CMKLR1: variants seen among roughly 807,000 people sequenced by gnomAD.
CMKLR1 encodes the protein chemerin chemokine-like receptor 1, also known as chemerin-like receptor 1.
In CMKLR1, 6 loss-of-function variants were observed where a neutral mutation model predicts 8.2. The observed-to-expected ratio is 0.73, with a 90% confidence interval of 0.40 to 1.44. The LOEUF is 1.44. CMKLR1 is among the 40% of genes most tolerant of loss of function. CMKLR1 has a pLI of 0.02. For synonymous variants in CMKLR1, 178 were observed against 181.2 expected, an observed-to-expected ratio of 0.98 and a Z score of 0.14; for missense variants, 429 against 478.0, an observed-to-expected ratio of 0.90 and a Z score of 0.96.
chr12:108,299,640 C>T (rs1174476654), intron 2 of CMKLR1, among the ~76,000 whole-genome samples: 5 of 152,058 alleles, frequency 3.3e-5, no homozygotes, highest in African/African-American at 1.2e-4. Flanking sequence ...ATTGCAGTCA[C>T]CGTATAAGAG....
chr12:108,309,450 G>A (rs556814588), intron 2 of CMKLR1, among the ~76,000 whole-genome samples: 5 of 152,040 alleles, frequency 3.3e-5, no homozygotes, highest in African/African-American at 9.7e-5. Context: ...CAGGAGGATC[G>A]CTTGAGCCCA....
intron 1 of CMKLR1, among the ~76,000 whole-genome samples, chr12:108,331,767 G>A (rs960964053): frequency 1.3e-5 from 2 of 152,168 alleles, no homozygotes; most frequent in Admixed American, 6.5e-5. Context: ...TGAAGGCTGG[G>A]GAAGGGGACC....
At chr12:108,298,582 C>A (rs1276560205) in intron 2 of CMKLR1, among the ~76,000 whole-genome samples, 2 of 152,242 alleles carry the variant, frequency 1.3e-5, no homozygotes, top group African/African-American at 2.4e-5. Flanking sequence ...CTTTTCCTAG[C>A]CCCTCAGGGA....
chr12:108,306,167 G>C (rs949532433), intron 2 of CMKLR1, among the ~76,000 whole-genome samples: 1 of 152,184 alleles, frequency 6.6e-6, no homozygotes, highest in Non-Finnish European at 1.5e-5. Context: ...CACAACTGCA[G>C]GCGTGGAGCG....
intron 2 of CMKLR1, among the ~76,000 whole-genome samples, chr12:108,311,682 G>C (rs192383235): frequency 2.0e-4 from 31 of 152,318 alleles, no homozygotes; most frequent in East Asian, 1.5e-3. Context: ...CAGCATAGAG[G>C]GGGAGAGCTG....
intron 2 of CMKLR1, among the ~76,000 whole-genome samples, chr12:108,327,168 G>C (rs10778625): frequency 0.25 from 38,076 of 152,176 alleles, 6,175 homozygotes; most frequent in East Asian, 0.7. Context: ...AAGACAGAGA[G>C]GGGGGTTGGC....
In CMKLR1 at chr12:108,292,340, T is replaced by C; in HGVS notation, c.623A>G (p.Gln208Arg). 1 of 1,614,064 alleles carries C rather than the reference T, an allele frequency of 6.2e-7. No homozygotes were observed. The highest frequency in any genetic ancestry group is 8.5e-7 in the Non-Finnish European group (1 of 1,180,016). ...PGSSSWPTHSQMDPVGYSRHM... is the reference protein window; with the variant it reads ...PGSSSWPTHSRMDPVGYSRHM... ...CCGGCTATACCCCACAGGGTCCATTTGGGAGTGAGTGGGCCACGAGGAAGA... is the reference window on the plus strand; with the variant it reads ...CCGGCTATACCCCACAGGGTCCATTCGGGAGTGAGTGGGCCACGAGGAAGA... The change falls in exon 4 of 4, where the codon CAA (glutamine) becomes CGA (arginine). Residue 208 changes from glutamine (Q) to arginine (R), a missense_variant. Gln to Arg is a conservative substitution (Grantham distance 43). Transcript: ENST00000550402.
Position 108,290,215 on chromosome 12 carries a change from T to C in CMKLR1, c.*1626A>G, listed in dbSNP as rs879023002. On this transcript the variant is annotated 3_prime_UTR_variant, in exon 4 of 4. Transcript: ENST00000550402. ...TCATTTGCAGAAAAATCAATATTTATGGCAAAAATCTCCAAACTTTTTAAG... is the reference window on the plus strand; with the variant it reads ...TCATTTGCAGAAAAATCAATATTTACGGCAAAAATCTCCAAACTTTTTAAG... The C allele has an allele frequency of 3.9e-5, 6 of 152,340 alleles. No individual in the cohort carries two copies. In the East Asian group the frequency reaches 5.8e-4, roughly 15 times the overall value. 9.4% of individuals were successfully genotyped at this position (152,340 alleles called of 1,614,324 possible).
intron 1 of CMKLR1, among the ~76,000 whole-genome samples, chr12:108,337,533 G>A (rs552603471): frequency 6.6e-6 from 1 of 152,282 alleles, no homozygotes; most frequent in South Asian, 2.1e-4. Context: ...AAGATGACTG[G>A]TCATTAGAAC....
intron 2 of CMKLR1, among the ~76,000 whole-genome samples, chr12:108,323,584 C>T (rs925095167): frequency 2.0e-5 from 3 of 152,150 alleles, no homozygotes; most frequent in African/African-American, 4.8e-5. Flanking sequence ...CCTGACTCTG[C>T]TCCAAATGTT....
Position 108,292,047 on chromosome 12 carries a change from TGGCAAG to T in CMKLR1, c.910_915del (p.Leu304_Ala305del). The stretch of plus-strand genomic sequence containing the variant: ...ATGGGGTTCATGCAGCTGTTGGCAA[TGGCAAG>T]GGCAGTGGCCAGGGGCAAACCCAGG... On this transcript the variant is annotated inframe_deletion, in exon 4 of 4. Coordinates refer to ENST00000550402, the MANE Select transcript of CMKLR1 (RefSeq NM_001142343.2). 6.2e-7 allele frequency: 1 copy of T among 1,614,138 alleles called. No individual in the cohort carries two copies. The highest frequency in any genetic ancestry group is 8.5e-7 in the Non-Finnish European group (1 of 1,180,028).
intron 1 of CMKLR1, among the ~76,000 whole-genome samples, chr12:108,332,942 T>C (rs1246769333): frequency 6.6e-6 from 1 of 151,998 alleles, no homozygotes; most frequent in Non-Finnish European, 1.5e-5. Context: ...GTCACTACAC[T>C]CCAGCCTGGG....
In CMKLR1 at chr12:108,310,374, G is replaced by A. The variant is rs372855898; in HGVS notation, c.-73-16710C>T. ...GCTTCTAACCTGGGTGGCTGATGTG[G>A]GCACTGCGTTGGAAGAGGAAAGGCT... is the stretch of plus-strand genomic sequence containing the variant. On this transcript the variant is annotated intron_variant, in intron 2 of 3. Coordinates refer to ENST00000550402, the MANE Select transcript of CMKLR1 (RefSeq NM_001142343.2). Among the ~76,000 whole-genome samples the A allele has an allele frequency of 9.8e-4, 149 of 152,266 alleles. 1 individual carries two copies. The highest frequency in any genetic ancestry group is 1.9e-3 in the Non-Finnish European group (126 of 68,030).
intron 3 of CMKLR1, among the ~76,000 whole-genome samples, chr12:108,293,272 G>T (rs1891044518): frequency 6.6e-6 from 1 of 152,158 alleles, no homozygotes; most frequent in South Asian, 2.1e-4. Context: ...AAGTCCTACA[G>T]CTAGGAAAAG....
intron 2 of CMKLR1, among the ~76,000 whole-genome samples, chr12:108,295,217 C>G (rs756408661): frequency 3.3e-5 from 5 of 152,222 alleles, no homozygotes; most frequent in Non-Finnish European, 5.9e-5. Flanking sequence ...TCCAGATGGT[C>G]TCACTTTAAC....
chr12:108,290,543 G>C lies in CMKLR1; in HGVS notation c.*1298C>G, dbSNP rs551790746. Reference sequence around the variant, plus strand: ...AACAGAGTTTCTGGAGCCAGACGGAGCCAGGTTCAGATCTTAACTCTGCCA... The same window carrying C: ...AACAGAGTTTCTGGAGCCAGACGGACCCAGGTTCAGATCTTAACTCTGCCA... On this transcript the variant is annotated 3_prime_UTR_variant, in exon 4 of 4. Transcript: ENST00000550402. The C allele has an allele frequency of 2.2e-4, 34 of 152,232 alleles. No homozygotes were observed. The highest frequency in any genetic ancestry group is 4.0e-4 in the Non-Finnish European group (27 of 68,044). 9.4% of individuals were successfully genotyped at this position (152,232 alleles called of 1,614,324 possible).
Position 108,293,595 on chromosome 12 carries a change from C to A in CMKLR1, c.-4G>T. On this transcript the variant is annotated 5_prime_UTR_variant, in exon 3 of 4. Coordinates refer to ENST00000550402, the MANE Select transcript of CMKLR1 (RefSeq NM_001142343.2). ...GACCACAAGACTTCCTCACCATTCA[C>A]CGTTATGTTGTCTGCAGCTCTCCAA... is the stretch of plus-strand genomic sequence containing the variant. The A allele has an allele frequency of 6.4e-7, 1 of 1,551,298 alleles. No individual in the cohort carries two copies. The highest frequency in any genetic ancestry group is 8.7e-7 in the Non-Finnish European group (1 of 1,146,972).
intron 2 of CMKLR1, among the ~76,000 whole-genome samples, chr12:108,302,425 A>C (rs1891301731): frequency 6.6e-6 from 1 of 152,242 alleles, no homozygotes; most frequent in African/African-American, 2.4e-5. Context: ...GCAAATCCTC[A>C]ACTGACGATT....
chr12:108,298,040 C>T (rs537051179), intron 2 of CMKLR1, among the ~76,000 whole-genome samples: 3 of 152,164 alleles, frequency 2.0e-5, no homozygotes, highest in African/African-American at 7.2e-5. Flanking sequence ...AACAATGTTG[C>T]TTCTCTTGAG....
Sources: allele counts gnomAD v4.1 joint callset (sites outside exome capture counted in the v4.1 genomes callset), GRCh38; gene constraint gnomAD v4.1.1; transcripts MANE v1.5; gene names NCBI Gene and HGNC (gene_info 2026-07-23, HGNC 2026-07-21).